The following BMPER variants were observed in gnomAD, a reference collection of about 807,000 sequenced individuals.
BMPER encodes the protein BMP binding endothelial regulator.
BMPER carries 45 observed loss-of-function variants against 87.3 expected under a neutral mutation model. The ratio of observed to expected loss-of-function variants is 0.52; its 90% CI spans 0.41 to 0.66. The LOEUF is 0.66. BMPER is among the 30% of genes least tolerant of loss of function. The pLI, the probability that BMPER is intolerant of heterozygous loss-of-function variation, is 0.00. For synonymous variants in BMPER, 326 were observed against 316.2 expected, an observed-to-expected ratio of 1.03 and a Z score of -0.33; for missense variants, 784 against 867.5, an observed-to-expected ratio of 0.90 and a Z score of 1.21.
intron 13 of BMPER, among the ~76,000 whole-genome samples, chr7:34,100,819 G>T (rs375883766): frequency 1.3e-5 from 2 of 152,240 alleles, no homozygotes; most frequent in Non-Finnish European, 2.9e-5. Context: ...TACATCTGGG[G>T]TGAGGAGGAT....
intron 6 of BMPER, among the ~76,000 whole-genome samples, chr7:34,006,730 G>A (rs1786743500): frequency 6.6e-6 from 1 of 152,010 alleles, no homozygotes; most frequent in Admixed American, 6.6e-5. Flanking sequence ...AGTTATGGAC[G>A]TCTGTGTATT....
intron 6 of BMPER, among the ~76,000 whole-genome samples, chr7:34,045,789 C>T (rs544924850): frequency 6.6e-6 from 1 of 152,204 alleles, no homozygotes; most frequent in Non-Finnish European, 1.5e-5. Flanking sequence ...GATACCGAAG[C>T]CTTCCTGGAG....
chr7:34,075,451 C>CT lies in BMPER; in HGVS notation c.1079-3400dup, dbSNP rs370866659. Among the ~76,000 whole-genome samples the CT allele has an allele frequency of 2.2e-3, 339 of 152,226 alleles. 2 individuals are homozygous for CT. The highest frequency in any genetic ancestry group is 7.9e-3 in the African/African-American group (330 of 41,540). On this transcript the variant is annotated intron_variant, in intron 11 of 14. Transcript: ENST00000649409. Reference sequence around the variant, plus strand: ...TTGTCTGGTTTTGTACACTTCTGATCTTTTTTACCCCCCTTTACCTGTGCA... The same window carrying CT: ...TTGTCTGGTTTTGTACACTTCTGATCTTTTTTTACCCCCCTTTACCTGTGCA...
chr7:34,028,629 T>TTTTTTTG (rs1787439132), intron 6 of BMPER, among the ~76,000 whole-genome samples: 1 of 132,886 alleles, frequency 7.5e-6, no homozygotes, highest in Non-Finnish European at 1.6e-5. Flanking sequence ...TTTTTTTTTT[T>TTTTTTTG]TTTTGTAGCA....
intron 10 of BMPER, among the ~76,000 whole-genome samples, chr7:34,059,254 T>C (rs1192385229): frequency 1.3e-5 from 2 of 152,174 alleles, no homozygotes; most frequent in African/African-American, 4.8e-5. Flanking sequence ...TTCCTTATTC[T>C]ACAAGACAAA....
intron 6 of BMPER, among the ~76,000 whole-genome samples, chr7:33,987,357 C>T (rs915938852): frequency 2.6e-5 from 4 of 152,094 alleles, no homozygotes; most frequent in African/African-American, 9.7e-5. Context: ...CCACAATCCT[C>T]TCTGAAGATT....
At chr7:33,962,479 C>T (rs1044418290) in intron 3 of BMPER, among the ~76,000 whole-genome samples, 4 of 152,148 alleles carry the variant, frequency 2.6e-5, no homozygotes, top group Non-Finnish European at 4.4e-5. Flanking sequence ...CTGGTTAATT[C>T]TTGGTGTGCA....
rs186412061 is a variant in BMPER at position 34,128,335 on chromosome 7, A to G, written c.1746-14895A>G. ...CCTTGAACTCCCTTGGTAATGCTAG[A>G]CTGCTTTTTGTAACACCCATTATTT... On this transcript the variant is annotated intron_variant, in intron 13 of 14. Transcript: ENST00000649409. 2.6e-3 allele frequency among the ~76,000 whole-genome samples: 390 copies of G among 152,208 alleles called. 2 individuals carry two copies. Among genetic ancestry groups the G allele is most frequent in the Middle Eastern group, 0.014 (4 of 294 alleles).
intron 11 of BMPER, among the ~76,000 whole-genome samples, chr7:34,065,236 CT>C (rs1788552099): frequency 1.3e-5 from 2 of 150,748 alleles, no homozygotes; most frequent in Non-Finnish European, 3.0e-5. Flanking sequence ...CTCTCTCTCT[CT>C]CTCTCTCTCT....
chr7:34,098,709 G>A (rs1178066392), intron 13 of BMPER, among the ~76,000 whole-genome samples: 1 of 152,144 alleles, frequency 6.6e-6, no homozygotes, highest in Non-Finnish European at 1.5e-5. Flanking sequence ...ACCCCTGAAA[G>A]CTTTTCCATA....
chr7:34,148,787 A>G (rs768718183), intron 14 of BMPER, among the ~76,000 whole-genome samples: 2 of 152,164 alleles, frequency 1.3e-5, no homozygotes, highest in Non-Finnish European at 2.9e-5. Flanking sequence ...CTTCATAGCT[A>G]TAGAATAGTC....
chr7:34,130,580 TGTACCC>T (rs1790558597), intron 13 of BMPER, among the ~76,000 whole-genome samples: 1 of 152,232 alleles, frequency 6.6e-6, no homozygotes, highest in East Asian at 1.9e-4. Flanking sequence ...GTTTTGAGCA[TGTACCC>T]TAGAACAGGC....
At chr7:34,018,889 T>C (rs1787108215) in intron 6 of BMPER, among the ~76,000 whole-genome samples, 1 of 152,004 alleles carries the variant, frequency 6.6e-6, no homozygotes, top group South Asian at 2.1e-4. Context: ...TGCCTCACCT[T>C]GGAATTGAAA....
intron 6 of BMPER, among the ~76,000 whole-genome samples, chr7:34,044,223 G>A (rs1008909491): frequency 2.0e-5 from 3 of 152,186 alleles, no homozygotes; most frequent in Non-Finnish European, 1.5e-5. Flanking sequence ...CTTATTGTAA[G>A]GAAAATTACT....
intron 6 of BMPER, among the ~76,000 whole-genome samples, chr7:33,997,871 G>A (rs959456106): frequency 5.3e-5 from 8 of 152,294 alleles, no homozygotes; most frequent in Middle Eastern, 3.4e-3. Flanking sequence ...GCTTAGTGAC[G>A]TTTTTCCTAT....
chr7:34,035,299 C>A (rs915391305), intron 6 of BMPER, among the ~76,000 whole-genome samples: 1 of 152,126 alleles, frequency 6.6e-6, no homozygotes, highest in Non-Finnish European at 1.5e-5. Flanking sequence ...AATTAGAGAA[C>A]TGCACATAAC....
intron 11 of BMPER, among the ~76,000 whole-genome samples, chr7:34,068,917 T>C (rs567308579): frequency 1.3e-5 from 2 of 152,224 alleles, no homozygotes; most frequent in African/African-American, 4.8e-5. Flanking sequence ...TGCATATTTT[T>C]AAAAATCTCC....
intron 2 of BMPER, among the ~76,000 whole-genome samples, chr7:33,912,143 C>CA (rs1783980580): frequency 6.6e-6 from 1 of 152,066 alleles, no homozygotes; most frequent in East Asian, 1.9e-4. Context: ...CAAACAACAA[C>CA]AAAAAACACA....
At chr7:33,946,746 A>G (rs1159400922) in intron 3 of BMPER, among the ~76,000 whole-genome samples, 1 of 152,234 alleles carries the variant, frequency 6.6e-6, no homozygotes, top group African/African-American at 2.4e-5. Flanking sequence ...TTGAAAAGGC[A>G]ATGGTAGGAG....
Sources: allele counts gnomAD v4.1 joint callset (sites outside exome capture counted in the v4.1 genomes callset), GRCh38; gene constraint gnomAD v4.1.1; transcripts MANE v1.5; gene names NCBI Gene and HGNC (gene_info 2026-07-23, HGNC 2026-07-21).